Variants in TRPM5 observed in about 807,000 individuals in gnomAD.
The protein encoded by TRPM5 is transient receptor potential cation channel subfamily M member 5, also known as MLSN1 and TRP-related.
In TRPM5, 121 loss-of-function variants were observed where a neutral mutation model predicts 124.9. That is an observed-to-expected ratio of 0.97 (90% CI 0.84 to 1.13). TRPM5 has a LOEUF of 1.13. Ranked by LOEUF, TRPM5 falls within the 50% of genes most tolerant of loss-of-function variation. The pLI, the probability that TRPM5 is intolerant of heterozygous loss-of-function variation, is 0.00. For synonymous variants in TRPM5, 781 were observed against 700.5 expected (o/e 1.11, Z -1.81); for missense variants, 1,643 against 1,589.1 (o/e 1.03, Z -0.58).
intron 20 of TRPM5, 47 bp from the exon 26 acceptor site, chr11:2,406,840 C>T: frequency 6.3e-7 from 1 of 1,585,286 alleles, no homozygotes; most frequent in Non-Finnish European, 8.6e-7. Context: ...ATGTGGGCGT[C>T]AGTGGCAGAG....
chr11:2,423,372 C>G (rs1242642893), upstream of TRPM5, among the ~76,000 whole-genome samples: 1 of 152,214 alleles, frequency 6.6e-6, no homozygotes, highest in African/African-American at 2.4e-5. Context: ...GTTGGCCACA[C>G]CTGCAGACAT....
At chr11:2,431,829 C>A in the TRPM5 span, among the ~76,000 whole-genome samples, 1 of 152,210 alleles carries the variant, frequency 6.6e-6, no homozygotes, top group Non-Finnish European at 1.5e-5. Context: ...GTATGCCTCA[C>A]CCTCTGAAAG....
upstream of TRPM5, among the ~76,000 whole-genome samples, chr11:2,423,377 A>G (rs1845798913): frequency 6.6e-6 from 1 of 152,194 alleles, no homozygotes; most frequent in African/African-American, 2.4e-5. Flanking sequence ...CCACACCTGC[A>G]GACATTTCTC....
chr11:2,417,706 G>GGGGCCCCCC, intron 7 of TRPM5, 21 bp downstream of exon 12: 5 of 1,087,296 alleles, frequency 4.6e-6, no homozygotes, highest in Non-Finnish European at 5.5e-6. Context: ...CGCCTGCCTT[G>GGGGCCCCCC]CCCACCCTGC....
Position 2,422,250 on chromosome 11 carries a change from C to T in TRPM5, c.189G>A (p.Pro63=), listed in dbSNP as rs58851997. 22,068 of 1,612,286 alleles carry T rather than the reference C, an allele frequency of 0.014. 1,928 individuals are homozygous for T. The African/African-American group carries it at 0.21, about 15-fold the overall frequency. The stretch of plus-strand genomic sequence containing the variant: ...CCAGGGACACCACCAGGTTGGGGGC[C>T]GGCAGGTGCCACTCAGCAAGCAGCA... The change falls in exon 2 of 24, where the codon CCG becomes CCA. Residue 63 remains proline, a synonymous_variant. Coordinates refer to ENST00000155858, the Ensembl canonical transcript of TRPM5.
exon 24 of TRPM5, chr11:2,404,614 C>T (rs982799572): frequency 3.7e-5 from 12 of 327,008 alleles, no homozygotes; most frequent in South Asian, 2.7e-4. Flanking sequence ...GGTGCTCCCC[C>T]GTCACGCCAC....
At chr11:2,425,526 C>T (rs536138489), upstream of TRPM5, among the ~76,000 whole-genome samples, 2 of 152,012 alleles carry the variant, frequency 1.3e-5, no homozygotes, top group East Asian at 1.9e-4. Flanking sequence ...TCTAAGGTTC[C>T]CAGTGGACAG....
the TRPM5 span, among the ~76,000 whole-genome samples, chr11:2,435,131 GC>G: frequency 1.3e-5 from 2 of 152,092 alleles, no homozygotes. The surrounding 1 kb of genome is among the most constrained non-coding windows in gnomAD (Gnocchi z 4.1). Flanking sequence ...ACTTCTATGT[GC>G]CAGGCACTGT....
rs61172185 is a variant in TRPM5 at position 2,421,883 on chromosome 11, C to T, written c.298+258G>A. ...AGCTGGGGGAGGTCCTGGTCCAGTACGTAGGCACTGCTGCACCTGTGGGTA... is the reference window on the plus strand; with the variant it reads ...AGCTGGGGGAGGTCCTGGTCCAGTATGTAGGCACTGCTGCACCTGTGGGTA... On this transcript the variant is annotated intron_variant, in intron 2 of 23. Transcript: ENST00000155858. 4.1e-3 allele frequency among the ~76,000 whole-genome samples: 629 copies of T among 152,234 alleles called. 5 individuals carry two copies. The highest frequency in any genetic ancestry group is 0.015 in the African/African-American group (607 of 41,530).
chr11:2,415,565 G>T, intron 8 of TRPM5, 94 bp from the exon 14 acceptor site: 1 of 888,302 alleles, frequency 1.1e-6, no homozygotes. Context: ...AGGGAGCATG[G>T]GGATCCATCC....
intron 22 of TRPM5, among the ~76,000 whole-genome samples, 194 bp downstream of exon 27, chr11:2,405,825 G>A (rs909207554): frequency 6.6e-6 from 1 of 152,182 alleles, no homozygotes; most frequent in Non-Finnish European, 1.5e-5. Flanking sequence ...CCTCCCAAGT[G>A]GCAGGGTGGG....
rs539088107 is a variant in TRPM5, at chr11:2,406,507, G to C, written c.3251+154C>G. 3.9e-5 allele frequency among the ~76,000 whole-genome samples: 6 copies of C among 152,196 alleles called. No individual in the cohort carries two copies. In the East Asian group the frequency reaches 1.2e-3, roughly 29 times the overall value. The stretch of plus-strand genomic sequence containing the variant: ...CCCAGCAGGGTCCTGCACAGGTCAG[G>C]CTGGAAAGCTAGGCCCCTGGGCTCG... On this transcript the variant is annotated intron_variant, in intron 21 of 23. Transcript: ENST00000155858.
At chr11:2,416,436 G>A (rs1297029384) in intron 7 of TRPM5, among the ~76,000 whole-genome samples, 1 of 152,260 alleles carries the variant, frequency 6.6e-6, no homozygotes, top group East Asian at 1.9e-4. Context: ...GGTCACCAGG[G>A]TCACTCAAGG....
exon 24 of TRPM5, chr11:2,405,035 G>A: frequency 6.2e-7 from 1 of 1,612,314 alleles, no homozygotes; most frequent in South Asian, 1.1e-5. Flanking sequence ...TCGCCACAGT[G>A]CTGAGAGCCT....
exon 15 of TRPM5, chr11:2,412,989 GGCGCCTCCACCA>G (rs1565009515): frequency 1.9e-6 from 3 of 1,605,880 alleles, no homozygotes; most frequent in Non-Finnish European, 2.5e-6. Context: ...CTGAGCCCTC[GGCGCCTCCACCA>G]GCTCCTCCAC....
chr11:2,435,554 T>G, the TRPM5 span, among the ~76,000 whole-genome samples: 1 of 151,948 alleles, frequency 6.6e-6, no homozygotes, highest in Non-Finnish European at 1.5e-5. This position sits in a 1 kb window ranked among gnomAD's most constrained non-coding sequence, Gnocchi z 4.1. Flanking sequence ...TGTCTGTCGA[T>G]TCATCCATCT....
At chr11:2,414,020 C>T (rs1189242737) in intron 12 of TRPM5, 41 bp downstream of exon 17, 1 of 1,524,350 alleles carries the variant, frequency 6.6e-7, no homozygotes, top group Non-Finnish European at 8.9e-7. Context: ...CCCGCCCACC[C>T]CACCCCCTGG....
In TRPM5 at chr11:2,422,069, GT is replaced by G. The variant is rs1383507932; in HGVS notation, c.298+71del. 8 of 1,485,778 alleles carry G rather than the reference GT, an allele frequency of 5.4e-6. No homozygotes were observed. In the South Asian group the frequency reaches 1.1e-4, roughly 20 times the overall value. The allele number at this position is 1,485,778 out of a possible 1,614,324, so 92.0% of individuals were successfully genotyped here. A position where few individuals can be genotyped will look rare whatever the true frequency, so the allele number is the denominator to read the frequency against. On this transcript the variant is annotated intron_variant, in intron 2 of 23. Transcript: ENST00000155858. ...GGGGTGGGAGCACTGCCTGTGCCGG[GT>G]TGCGGGGACAGTCAGGGGGTCGGGC...
chr11:2,439,997 C>T, the TRPM5 span, among the ~76,000 whole-genome samples: 7 of 152,178 alleles, frequency 4.6e-5, no homozygotes, highest in Non-Finnish European at 1.0e-4. Context: ...ACTATGCAGC[C>T]ATGAAAAAGA....
Sources: allele counts gnomAD v4.1 joint callset (sites outside exome capture counted in the v4.1 genomes callset), GRCh38; gene constraint gnomAD v4.1.1; non-coding constraint Gnocchi (gnomAD v3.1); transcripts MANE v1.5; gene names NCBI Gene and HGNC (gene_info 2026-07-23, HGNC 2026-07-21).